Variants in DLGAP1 observed in about 807,000 individuals in gnomAD.
DLGAP1 encodes the protein DLG associated protein 1.
Under a neutral mutation model 90.8 loss-of-function variants are expected in DLGAP1, and 11 were observed. That is an observed-to-expected ratio of 0.12 (90% CI 0.08 to 0.20). DLGAP1 has a LOEUF of 0.20. Among genes scored for constraint, DLGAP1 ranks in the 10% least tolerant of loss-of-function variants. DLGAP1 has a pLI of 1.00. For missense variants in DLGAP1, 1,050 were observed against 1,333.8 expected (o/e 0.79, Z 3.31); for synonymous variants, 558 against 540.7 (o/e 1.03, Z -0.44).
At chr18:3,772,456 C>T (rs1460053834) in intron 5 of DLGAP1, among the ~76,000 whole-genome samples, 1 of 66,928 alleles carries the variant, frequency 1.5e-5, no homozygotes, top group Non-Finnish European at 3.3e-5. Context: ...CCCCCCACCC[C>T]CCTCTTTCTT....
chr18:3,623,737 A>G (rs2058185817), intron 7 of DLGAP1, among the ~76,000 whole-genome samples: 2 of 146,606 alleles, frequency 1.4e-5, no homozygotes, highest in Admixed American at 7.1e-5. Context: ...AGGTCACACT[A>G]CTGCACCCCA....
chr18:4,366,198 G>T (rs1213709635), intron 1 of DLGAP1, among the ~76,000 whole-genome samples: 2 of 152,162 alleles, frequency 1.3e-5, no homozygotes, highest in East Asian at 3.9e-4. Flanking sequence ...ACCCTGAAAA[G>T]AATTCATCTG....
intron 1 of DLGAP1, among the ~76,000 whole-genome samples, chr18:4,392,578 C>T (rs1325230362): frequency 6.6e-6 from 1 of 152,194 alleles, no homozygotes; most frequent in Non-Finnish European, 1.5e-5. Flanking sequence ...TGCTAGGTCT[C>T]TTCCCTTGGC....
Position 4,328,671 on chromosome 18 carries a change from G to A in DLGAP1, c.-267+126335C>T, listed in dbSNP as rs183922289. Among the ~76,000 whole-genome samples the A allele has an allele frequency of 1.6e-3, 239 of 151,960 alleles. 4 individuals are homozygous for A. In the Middle Eastern group the frequency reaches 0.027, roughly 17 times the overall value. Reference sequence around the variant, plus strand: ...TTGTGCATTTCTACCAGTAATGTACGTTTCCAATTGCTTTGCATCCTCACT... The same window carrying A: ...TTGTGCATTTCTACCAGTAATGTACATTTCCAATTGCTTTGCATCCTCACT... On this transcript the variant is annotated intron_variant, in intron 1 of 12. Transcript: ENST00000315677.
intron 9 of DLGAP1, among the ~76,000 whole-genome samples, chr18:3,542,918 G>A (rs1032475663): frequency 6.6e-6 from 1 of 152,110 alleles, no homozygotes; most frequent in African/African-American, 2.4e-5. Context: ...AGCTACCTGG[G>A]AACTATAGTA....
At chr18:3,752,065 G>A (rs2063521018) in intron 5 of DLGAP1, among the ~76,000 whole-genome samples, 1 of 150,564 alleles carries the variant, frequency 6.6e-6, no homozygotes, top group African/African-American at 2.4e-5. Flanking sequence ...TGTATTTTTA[G>A]TGGAGACAGG....
intron 4 of DLGAP1, among the ~76,000 whole-genome samples, chr18:3,842,481 C>T (rs2068771694): frequency 6.6e-6 from 1 of 151,954 alleles, no homozygotes; most frequent in African/African-American, 2.4e-5. Flanking sequence ...GGCAGGAAGA[C>T]CACTAGGAGA....
chr18:4,290,240 C>T (rs748247479), intron 1 of DLGAP1, among the ~76,000 whole-genome samples: 4 of 152,096 alleles, frequency 2.6e-5, no homozygotes, highest in South Asian at 2.1e-4. Context: ...ATTATGCATA[C>T]GGTTTCAAAA....
intron 1 of DLGAP1, among the ~76,000 whole-genome samples, chr18:4,160,661 G>A (rs2076829182): frequency 6.6e-6 from 1 of 152,114 alleles, no homozygotes; most frequent in African/African-American, 2.4e-5. Context: ...TATTACACCT[G>A]TAAGTGGATG....
chr18:3,906,488 C>G (rs2071909587), intron 3 of DLGAP1, among the ~76,000 whole-genome samples: 1 of 152,200 alleles, frequency 6.6e-6, no homozygotes, highest in South Asian at 2.1e-4. Context: ...TACAGGAACT[C>G]TCACACCAAT....
chr18:4,077,692 T>C (rs2075543805), intron 2 of DLGAP1, among the ~76,000 whole-genome samples: 1 of 152,120 alleles, frequency 6.6e-6, no homozygotes, highest in Non-Finnish European at 1.5e-5. Context: ...AGATGCCCAA[T>C]CTTGAACTTT....
chr18:3,534,303 G>C lies in DLGAP1; in HGVS notation c.2370C>G (p.His790Gln), dbSNP rs758717468. Residue 790 changes from histidine to glutamine, a missense_variant, in exon 10 of 13, where the codon CAC (histidine) becomes CAG (glutamine). Physicochemically the swap from His to Gln is conservative, Grantham distance 24. Around this residue, in one of 2 missense-constraint regions of DLGAP1, gnomAD observed 565 missense variants for 879.7 expected, o/e 0.64. Transcript: ENST00000315677. ...PLEAVQRSVC[H>Q]RDGHWFLKLL... ...GCTTCAGGAACCAGTGGCCATCCCG[G>C]TGGCACACTGACCTTTGCACGGCCT... 2.7e-5 allele frequency: 43 copies of C among 1,614,110 alleles called. No individual in the cohort carries two copies. The highest frequency in any genetic ancestry group is 3.6e-5 in the Non-Finnish European group (43 of 1,180,044).
rs564680172 is a variant in DLGAP1 at position 3,718,540 on chromosome 18, C to T, written c.1591+10595G>A. Among the ~76,000 whole-genome samples, 4 of 152,160 alleles carry T rather than the reference C, an allele frequency of 2.6e-5. No homozygotes were observed. In the South Asian group the frequency reaches 8.3e-4, roughly 32 times the overall value. On this transcript the variant is annotated intron_variant, in intron 7 of 12. Coordinates refer to ENST00000315677, the MANE Select transcript of DLGAP1 (RefSeq NM_004746.4). Reference sequence around the variant, plus strand: ...CCCAACTATCCACCTCTAAGGAAACCGCCTTGCCCAAAACCCCCACTGACA... The same window carrying T: ...CCCAACTATCCACCTCTAAGGAAACTGCCTTGCCCAAAACCCCCACTGACA...
intron 5 of DLGAP1, among the ~76,000 whole-genome samples, chr18:3,808,435 C>G (rs1276571037): frequency 2.0e-5 from 3 of 152,144 alleles, no homozygotes; most frequent in Non-Finnish European, 4.4e-5. Flanking sequence ...TATCACTGAT[C>G]ACTGAGGACG....
chr18:4,075,213 G>A (rs2075505384), intron 2 of DLGAP1, among the ~76,000 whole-genome samples: 1 of 152,096 alleles, frequency 6.6e-6, no homozygotes, highest in South Asian at 2.1e-4. Context: ...CTCCAGATAT[G>A]CATTCTTATT....
intron 2 of DLGAP1, among the ~76,000 whole-genome samples, chr18:4,006,731 GA>G (rs1376840422): frequency 6.7e-6 from 1 of 149,064 alleles, no homozygotes; most frequent in Admixed American, 6.8e-5. Flanking sequence ...CTGCATCCTT[GA>G]CCCCCAGTGT....
chr18:3,906,864 C>T (rs1278865511), intron 3 of DLGAP1, among the ~76,000 whole-genome samples: 1 of 152,134 alleles, frequency 6.6e-6, no homozygotes, highest in African/African-American at 2.4e-5. Flanking sequence ...GAACTCCAAT[C>T]AATAGATTCC....
chr18:3,832,046 A>G (rs1419130948), intron 4 of DLGAP1, among the ~76,000 whole-genome samples: 3 of 152,238 alleles, frequency 2.0e-5, no homozygotes, highest in Admixed American at 2.0e-4. Context: ...GATCATGCCA[A>G]CCTTTTGATG....
At chr18:4,089,029 A>G (rs2075728973) in intron 2 of DLGAP1, among the ~76,000 whole-genome samples, 1 of 152,208 alleles carries the variant, frequency 6.6e-6, no homozygotes. Flanking sequence ...TTTGCAGATA[A>G]CATGATCCTA....
Sources: gnomAD v4.1 joint callset for allele counts (sites outside exome capture counted in the v4.1 genomes callset) on GRCh38, gnomAD v4.1.1 for gene constraint, gnomAD v4.1.1 regional missense constraint, MANE v1.5 for transcripts, NCBI Gene and HGNC (gene_info 2026-07-23, HGNC 2026-07-21) for gene names.